Variants in MGST2 observed in about 807,000 individuals in gnomAD.
MGST2 encodes the protein glutathione peroxidase MGST2.
MGST2 carries 9 observed loss-of-function variants against 16.6 expected under a neutral mutation model. The ratio of observed to expected loss-of-function variants is 0.54; its 90% CI spans 0.33 to 0.95. The LOEUF is 0.95. MGST2 is among the 40% of genes least tolerant of loss of function. The pLI is 0.03. For synonymous variants in MGST2, 79 were observed against 68.0 expected, an observed-to-expected ratio of 1.16 and a Z score of -0.79; for missense variants, 159 against 175.1, an observed-to-expected ratio of 0.91 and a Z score of 0.52.
intron 5 of MGST2, chr4:139,720,059 T>C (rs1246055425): frequency 1.2e-6 from 2 of 1,614,102 alleles, no homozygotes; most frequent in Non-Finnish European, 1.7e-6. Flanking sequence ...GGCTTGGTTA[T>C]GTGTGATGCT....
At chr4:139,684,689 G>T (rs1488656133) in intron 2 of MGST2, among the ~76,000 whole-genome samples, 2 of 152,188 alleles carry the variant, frequency 1.3e-5, no homozygotes, top group African/African-American at 2.4e-5. Context: ...TCCTTCAGGG[G>T]TTGAAGGAAA....
At chr4:139,705,722 AG>A (rs572651190), downstream of MGST2, 122 of 152,264 alleles carry the variant, frequency 8.0e-4, no homozygotes, top group African/African-American at 2.8e-3. Context: ...CTCTTGGCTG[AG>A]GAAGGTGGGT....
the MGST2 span, among the ~76,000 whole-genome samples, chr4:139,751,968 T>C: frequency 6.6e-6 from 1 of 152,216 alleles, no homozygotes; most frequent in African/African-American, 2.4e-5. Context: ...TGTATTGCAT[T>C]TATTACTACT....
At chr4:139,721,433 G>A (rs1376745851) in intron 5 of MGST2, among the ~76,000 whole-genome samples, 1 of 152,192 alleles carries the variant, frequency 6.6e-6, no homozygotes, top group Non-Finnish European at 1.5e-5. Context: ...TTTAAAGAAG[G>A]TGCAGCATGG....
At chr4:139,743,615 T>C (rs974469528), downstream of MGST2, among the ~76,000 whole-genome samples, 1 of 152,122 alleles carries the variant, frequency 6.6e-6, no homozygotes, top group Non-Finnish European at 1.5e-5. Context: ...ATGACAAACC[T>C]GGAAACTGAA....
Position 139,665,918 on chromosome 4 carries a change from C to A in MGST2, c.-102C>A. 8.3e-7 allele frequency: 1 copy of A among 1,198,004 alleles called. No homozygotes were observed. Among genetic ancestry groups the A allele is most frequent in the Non-Finnish European group, 1.2e-6 (1 of 813,412 alleles). The allele number at this position is 1,198,004 out of a possible 1,614,324, so 74.2% of individuals were successfully genotyped here. A position where few individuals can be genotyped will look rare whatever the true frequency, so the allele number is the denominator to read the frequency against. On this transcript the variant is annotated 5_prime_UTR_variant, in exon 1 of 5. Transcript: ENST00000265498. Reference sequence around the variant, plus strand: ...CGCTTGAATCAGCCTTTTCCCCCCACCCGGTCCCCAACTTTGTTTACCCGA... The same window carrying A: ...CGCTTGAATCAGCCTTTTCCCCCCAACCGGTCCCCAACTTTGTTTACCCGA...
chr4:139,701,093 A>G (rs1727225503), intron 3 of MGST2, among the ~76,000 whole-genome samples: 1 of 152,196 alleles, frequency 6.6e-6, no homozygotes, highest in African/African-American at 2.4e-5. Flanking sequence ...GCACGTTAAC[A>G]ACTAATAAGA....
the MGST2 span, among the ~76,000 whole-genome samples, chr4:139,749,374 A>G: frequency 1.6e-4 from 24 of 152,356 alleles, no homozygotes; most frequent in African/African-American, 5.8e-4. Context: ...TGGCATTAAC[A>G]TAGATATTTG....
chr4:139,676,169 T>A (rs1244746766), intron 1 of MGST2, among the ~76,000 whole-genome samples: 3 of 152,210 alleles, frequency 2.0e-5, no homozygotes, highest in East Asian at 3.8e-4. Flanking sequence ...TACTCTTTTT[T>A]AAAATCCTTG....
chr4:139,748,955 A>G, the MGST2 span, among the ~76,000 whole-genome samples: 1 of 152,190 alleles, frequency 6.6e-6, no homozygotes, highest in Non-Finnish European at 1.5e-5. Context: ...TCTTTGGTGA[A>G]TAGAGTGTGG....
rs184412873 is a variant in MGST2, at chr4:139,715,684, T to C, written c.*48+11488T>C. On this transcript the variant is annotated intron_variant, in intron 5 of 5. Transcript: ENST00000616265. This position sits in a 1 kb window ranked among gnomAD's most constrained non-coding sequence, Gnocchi z 4.4. ...CCCTTTTTAGACCATATAGGGTAAC[T>C]TCCTGACCTTGCCATGGCATTTGTA... Among the ~76,000 whole-genome samples the C allele has an allele frequency of 2.0e-4, 31 of 152,312 alleles. No homozygotes were observed. In the East Asian group the frequency reaches 5.6e-3, roughly 28 times the overall value.
rs70943436 is a variant in MGST2, at chr4:139,702,844, G to GTTTTTTTTTTTTTTTTTTTTTTTTTTT, written c.230-585_230-584insTTTTTTTTTTTTTTTTTTTTTTTTTTT. 2.9e-3 allele frequency among the ~76,000 whole-genome samples: 135 copies of GTTTTTTTTTTTTTTTTTTTTTTTTTTT among 46,438 alleles called. 18 individuals are homozygous for GTTTTTTTTTTTTTTTTTTTTTTTTTTT. The highest frequency in any genetic ancestry group is 4.5e-3 in the Non-Finnish European group (102 of 22,458). The allele number at this position is 46,438 out of a possible 152,430, so 30.5% of individuals were successfully genotyped here. A position where few individuals can be genotyped will look rare whatever the true frequency, so the allele number is the denominator to read the frequency against. On this transcript the variant is annotated intron_variant, in intron 3 of 4. Coordinates refer to ENST00000265498, the MANE Select transcript of MGST2 (RefSeq NM_002413.5). ...TCCTCACCAACATTTTGTGTTACTG[G>GTTTTTTTTTTTTTTTTTTTTTTTTTTT]TTTTTTTTTTTTTTTTTTTTTTTTT...
At chr4:139,724,659 T>C (rs1728391888) in intron 5 of MGST2, among the ~76,000 whole-genome samples, 1 of 152,036 alleles carries the variant, frequency 6.6e-6, no homozygotes, top group Admixed American at 6.6e-5. Context: ...GGGCAGAGGA[T>C]GGGATTAGGA....
intron 3 of MGST2, chr4:139,698,496 T>A: frequency 8.5e-7 from 1 of 1,182,684 alleles, no homozygotes; most frequent in South Asian, 1.2e-5. Flanking sequence ...TGTAGCCAGT[T>A]GCTTCCTGGG....
chr4:139,674,567 G>T, intron 1 of MGST2, among the ~76,000 whole-genome samples: 1 of 151,974 alleles, frequency 6.6e-6, no homozygotes. Context: ...ATCACTTGAG[G>T]TCAGGAGTTC....
chr4:139,690,651 C>G (rs1332551732), intron 2 of MGST2, among the ~76,000 whole-genome samples: 2 of 152,100 alleles, frequency 1.3e-5, no homozygotes, highest in Non-Finnish European at 2.9e-5. Context: ...TTTTATGGGG[C>G]TGTGCAACTG....
the MGST2 span, among the ~76,000 whole-genome samples, chr4:139,747,898 AC>A: frequency 1.3e-5 from 2 of 151,174 alleles, no homozygotes; most frequent in African/African-American, 4.9e-5. Context: ...TACCAAAAAT[AC>A]AAAAATTAGC....
chr4:139,668,701 G>T (rs1273710200), intron 1 of MGST2, among the ~76,000 whole-genome samples: 1 of 151,970 alleles, frequency 6.6e-6, no homozygotes, highest in African/African-American at 2.4e-5. Context: ...TGGAGGTGGG[G>T]GACCAGCTTA....
At chr4:139,667,305 G>T (rs886231014) in intron 1 of MGST2, among the ~76,000 whole-genome samples, 2 of 152,142 alleles carry the variant, frequency 1.3e-5, no homozygotes, top group African/African-American at 2.4e-5. Context: ...ACCTAATTTA[G>T]CAGGTCTAAG....
Sources: allele counts gnomAD v4.1 joint callset (sites outside exome capture counted in the v4.1 genomes callset), GRCh38; gene constraint gnomAD v4.1.1; non-coding constraint Gnocchi (gnomAD v3.1); transcripts MANE v1.5; gene names NCBI Gene and HGNC (gene_info 2026-07-23, HGNC 2026-07-21).